The following PPP2R5C variants were observed in gnomAD, a reference collection of about 807,000 sequenced individuals.
The protein encoded by PPP2R5C is serine/threonine-protein phosphatase 2A 56 kDa regulatory subunit gamma isoform.
Under a neutral mutation model 68.9 loss-of-function variants are expected in PPP2R5C, and 7 were observed. The ratio of observed to expected loss-of-function variants is 0.10; its 90% CI spans 0.06 to 0.19. The LOEUF (loss-of-function observed/expected upper bound fraction) is 0.19, where lower values mean the gene tolerates loss of function less well. Ranked by LOEUF, PPP2R5C falls within the 10% of genes least tolerant of loss-of-function variation. The pLI, the probability that PPP2R5C is intolerant of heterozygous loss-of-function variation, is 1.00. For missense variants in PPP2R5C, 348 were observed against 641.3 expected, an observed-to-expected ratio of 0.54 and a Z score of 4.94; for synonymous variants, 210 against 222.2, an observed-to-expected ratio of 0.95 and a Z score of 0.49.
intron 1 of PPP2R5C, among the ~76,000 whole-genome samples, chr14:101,815,835 A>G (rs1214904309): frequency 6.6e-6 from 1 of 151,746 alleles, no homozygotes; most frequent in East Asian, 1.9e-4. Context: ...ACGCCCGGCT[A>G]TTTTTTGTAT....
At chr14:101,819,044 C>T (rs1341709134) in intron 1 of PPP2R5C, 5 of 1,551,484 alleles carry the variant, frequency 3.2e-6, no homozygotes, top group African/African-American at 2.7e-5. Flanking sequence ...CCACTTCTTC[C>T]TGAGTTGCTG....
chr14:101,830,591 C>G (rs2040678091), intron 1 of PPP2R5C, among the ~76,000 whole-genome samples: 1 of 152,302 alleles, frequency 6.6e-6, no homozygotes, highest in Non-Finnish European at 1.5e-5. Flanking sequence ...TGACTCTGCT[C>G]TAAACACTCA....
At chr14:101,819,219 G>A in intron 1 of PPP2R5C, 1 of 744,316 alleles carries the variant, frequency 1.3e-6, no homozygotes, top group Non-Finnish European at 2.2e-6. Flanking sequence ...TCAAAGGGGG[G>A]TAGCACTTGA....
Position 101,915,497 on chromosome 14 carries a change from C to T in PPP2R5C, c.1327-2334C>T, listed in dbSNP as rs1302495295. 6.6e-6 allele frequency among the ~76,000 whole-genome samples: 1 copy of T among 152,044 alleles called. No individual in the cohort carries two copies. The highest frequency in any genetic ancestry group is 2.4e-5 in the African/African-American group (1 of 41,382). The stretch of plus-strand genomic sequence containing the variant: ...TGTGTAGGGACACTCTCCTTTGCCC[C>T]GAGGGCCAGAGAGCCGTGCTCCAAG... On this transcript the variant is annotated intron_variant, in intron 12 of 13. Coordinates refer to ENST00000334743, the Ensembl canonical transcript of PPP2R5C. The surrounding 1 kb of genome is among the most constrained non-coding windows in gnomAD (Gnocchi z 4.2).
chr14:101,881,325 G>C (rs544117894), intron 2 of PPP2R5C, among the ~76,000 whole-genome samples: 1 of 152,112 alleles, frequency 6.6e-6, no homozygotes, highest in Non-Finnish European at 1.5e-5. Context: ...ACTTGAACCC[G>C]GGAGGCAGAG....
exon 1 of PPP2R5C, chr14:101,809,923 C>T: frequency 1.2e-6 from 2 of 1,611,732 alleles, no homozygotes; most frequent in Non-Finnish European, 1.7e-6. Context: ...GAGCCCATTG[C>T]CTTTCCCGCT....
intron 2 of PPP2R5C, among the ~76,000 whole-genome samples, chr14:101,871,330 C>T (rs3101808): frequency 0.049 from 7,445 of 152,120 alleles, 229 homozygotes; most frequent in South Asian, 0.097. Context: ...CAAGCTCCGC[C>T]TCCCGGGTTC....
intron 2 of PPP2R5C, among the ~76,000 whole-genome samples, chr14:101,776,095 C>T (rs898496571): frequency 1.8e-4 from 26 of 143,808 alleles, no homozygotes; most frequent in African/African-American, 6.6e-4. Flanking sequence ...ACTGTTCAGA[C>T]ACGTGGAGGC....
chr14:101,783,974 T>C (rs2037967560), intron 2 of PPP2R5C, among the ~76,000 whole-genome samples: 1 of 152,130 alleles, frequency 6.6e-6, no homozygotes, highest in Non-Finnish European at 1.5e-5. Flanking sequence ...GAGCTGGTTA[T>C]GGAGGGGCTT....
At chr14:101,767,950 G>A (rs539484654) in intron 2 of PPP2R5C, among the ~76,000 whole-genome samples, 2 of 152,254 alleles carry the variant, frequency 1.3e-5, no homozygotes, top group South Asian at 2.1e-4. Context: ...CTGCAAGGTC[G>A]GTAGACCCCA....
At chr14:101,863,608 G>C (rs2042885994) in intron 2 of PPP2R5C, among the ~76,000 whole-genome samples, 1 of 152,074 alleles carries the variant, frequency 6.6e-6, no homozygotes, top group Non-Finnish European at 1.5e-5. Flanking sequence ...TAGAAATGCA[G>C]ATTCTTGGCC....
chr14:101,906,317 AC>A lies in PPP2R5C; in HGVS notation c.1024-82del. On this transcript the variant is annotated intron_variant, in intron 9 of 13. Coordinates refer to ENST00000334743, the Ensembl canonical transcript of PPP2R5C. The surrounding 1 kb of genome is among the most constrained non-coding windows in gnomAD (Gnocchi z 4.0). Reference sequence around the variant, plus strand: ...ATTTTCTGGTCCAAGGTAGTTCATTACCCGACTCACAGGTTTAACAGCAAGG... The same window carrying A: ...ATTTTCTGGTCCAAGGTAGTTCATTACCGACTCACAGGTTTAACAGCAAGG... 7.1e-7 allele frequency: 1 copy of A among 1,408,656 alleles called. No individual in the cohort carries two copies. Among genetic ancestry groups the A allele is most frequent in the Non-Finnish European group, 9.5e-7 (1 of 1,050,216 alleles). 87.3% of individuals were successfully genotyped at this position (1,408,656 alleles called of 1,614,324 possible).
chr14:101,911,646 G>T (rs1185917699), intron 11 of PPP2R5C, among the ~76,000 whole-genome samples: 2 of 152,142 alleles, frequency 1.3e-5, no homozygotes, highest in East Asian at 1.9e-4. Context: ...ACTTTGGGAG[G>T]TTATGGCTGG....
chr14:101,813,973 A>G (rs920725870), intron 1 of PPP2R5C, among the ~76,000 whole-genome samples: 6 of 152,154 alleles, frequency 3.9e-5, no homozygotes, highest in African/African-American at 1.4e-4. Context: ...CAAGCACAGA[A>G]CTCAAACCCA....
intron 1 of PPP2R5C, among the ~76,000 whole-genome samples, chr14:101,832,590 T>C (rs2040813969): frequency 6.6e-6 from 1 of 152,168 alleles, no homozygotes; most frequent in Admixed American, 6.5e-5. Flanking sequence ...CGAAGACACC[T>C]TCCCATCTCT....
chr14:101,912,204 A>C lies in PPP2R5C; in HGVS notation c.1254-197A>C, dbSNP rs148163201. On this transcript the variant is annotated intron_variant, in intron 11 of 13. Coordinates refer to ENST00000334743, the Ensembl canonical transcript of PPP2R5C. ...AAGAATTCCAATCTTGGACATGTTA[A>C]ATTTTTTTATATTTTCTCATGTTTA... 2.2e-4 allele frequency among the ~76,000 whole-genome samples: 33 copies of C among 152,276 alleles called. No individual in the cohort carries two copies. In the East Asian group the frequency reaches 6.2e-3, roughly 28 times the overall value.
chr14:101,856,945 A>C, intron 2 of PPP2R5C, 60 bp downstream of exon 4: 2 of 1,497,298 alleles, frequency 1.3e-6, no homozygotes, highest in Non-Finnish European at 1.9e-6. Context: ...GGACAGGCCA[A>C]GATCTCTGAG....
At chr14:101,918,925 C>T (rs1001298038) in intron 13 of PPP2R5C, among the ~76,000 whole-genome samples, 3 of 151,770 alleles carry the variant, frequency 2.0e-5, no homozygotes, top group Admixed American at 6.6e-5. Context: ...TTTTGACCAG[C>T]GAAAGAATTC....
intron 4 of PPP2R5C, 36 bp from the exon 7 acceptor site, chr14:101,883,396 G>A (rs765828350): frequency 1.9e-6 from 3 of 1,611,588 alleles, no homozygotes; most frequent in East Asian, 4.5e-5. Flanking sequence ...ATGGAATGAT[G>A]ACACCCAGCC....
Sources: gnomAD v4.1 joint callset for allele counts (sites outside exome capture counted in the v4.1 genomes callset) on GRCh38, gnomAD v4.1.1 for gene constraint, Gnocchi (gnomAD v3.1) non-coding constraint, MANE v1.5 for transcripts, NCBI Gene and HGNC (gene_info 2026-07-23, HGNC 2026-07-21) for gene names.